Variants in THSD7A observed in about 807,000 individuals in gnomAD.
THSD7A encodes the protein thrombospondin type-1 domain-containing protein 7A.
Under a neutral mutation model 231.3 loss-of-function variants are expected in THSD7A, and 96 were observed. The observed-to-expected ratio is 0.41, with a 90% confidence interval of 0.35 to 0.49. The LOEUF is 0.49. Ranked by LOEUF, THSD7A falls within the 20% of genes least tolerant of loss-of-function variation. The pLI is 0.05. For synonymous variants in THSD7A, 940 were observed against 743.3 expected, an observed-to-expected ratio of 1.26 and a Z score of -4.30; for missense variants, 2,290 against 2,070.2, an observed-to-expected ratio of 1.11 and a Z score of -2.06.
intron 23 of THSD7A, among the ~76,000 whole-genome samples, chr7:11,391,531 T>C (rs915135863): frequency 1.3e-5 from 2 of 152,146 alleles, no homozygotes; most frequent in African/African-American, 4.8e-5. Context: ...TGCTGGGTTC[T>C]GTGAGTGTGG....
chr7:11,658,861 A>C (rs1782809257), intron 1 of THSD7A, among the ~76,000 whole-genome samples: 1 of 151,726 alleles, frequency 6.6e-6, no homozygotes, highest in Admixed American at 6.6e-5. Context: ...GAAAATGAGC[A>C]CATGTAAGAT....
intron 1 of THSD7A, among the ~76,000 whole-genome samples, chr7:11,758,010 CATATAT>C (rs3037680): frequency 0.39 from 55,702 of 142,594 alleles, 10,709 homozygotes; most frequent in Admixed American, 0.42. Flanking sequence ...CATATGCATT[CATATAT>C]ATATATATAT....
At position 11,501,171 on chromosome 7, in the gene THSD7A, C is replaced by A. The variant is rs148257027; in HGVS notation, c.1823-19189G>T. 3.8e-3 allele frequency among the ~76,000 whole-genome samples: 576 copies of A among 152,174 alleles called. 2 individuals are homozygous for A. Among genetic ancestry groups the A allele is most frequent in the African/African-American group, 0.014 (565 of 41,512 alleles). On this transcript the variant is annotated intron_variant, in intron 6 of 27. Coordinates refer to ENST00000423059, the MANE Select transcript of THSD7A (RefSeq NM_015204.3). ...TACAAAGAGACATAGACTCCCCACA[C>A]AATAATAGTGGGAGACTTCAACACT...
chr7:11,598,236 AAAATTGGTGAC>A (rs1780434253), intron 2 of THSD7A, among the ~76,000 whole-genome samples: 1 of 152,192 alleles, frequency 6.6e-6, no homozygotes, highest in Non-Finnish European at 1.5e-5. Context: ...GCATGACTGG[AAAATTGGTGAC>A]AAAGAAATTT....
intron 6 of THSD7A, among the ~76,000 whole-genome samples, chr7:11,483,605 A>G (rs918416442): frequency 2.0e-5 from 3 of 152,170 alleles, no homozygotes; most frequent in African/African-American, 7.2e-5. Context: ...TTATTGTATA[A>G]GGCATTTAAT....
intron 23 of THSD7A, among the ~76,000 whole-genome samples, chr7:11,398,086 T>C (rs1046422363): frequency 2.6e-5 from 4 of 152,152 alleles, no homozygotes; most frequent in Non-Finnish European, 5.9e-5. Context: ...CACATGCACA[T>C]TTATATTTAT....
chr7:11,558,213 C>G (rs1182353561), intron 4 of THSD7A, among the ~76,000 whole-genome samples: 1 of 152,130 alleles, frequency 6.6e-6, no homozygotes, highest in Non-Finnish European at 1.5e-5. Context: ...CTTCTTCTCT[C>G]CAACTTTCAA....
At chr7:11,695,574 T>C (rs1780365794) in intron 1 of THSD7A, among the ~76,000 whole-genome samples, 1 of 151,494 alleles carries the variant, frequency 6.6e-6, no homozygotes, top group South Asian at 2.1e-4. Context: ...ACCAATGAAG[T>C]ATGAACTGAA....
chr7:11,646,023 G>A (rs188704835), intron 1 of THSD7A, among the ~76,000 whole-genome samples: 1 of 151,752 alleles, frequency 6.6e-6, no homozygotes, highest in African/African-American at 2.4e-5. Context: ...GCAAATAAGG[G>A]GATGCAAAAA....
chr7:11,643,312 T>A (rs1052559868), intron 1 of THSD7A, among the ~76,000 whole-genome samples: 2 of 152,004 alleles, frequency 1.3e-5, no homozygotes, highest in Non-Finnish European at 2.9e-5. Context: ...AAATTTTCAA[T>A]TAACAAAATT....
At chr7:11,706,630 C>CTTTTTTTTTTTTTTTTTTTTTTT (rs66964252) in intron 1 of THSD7A, among the ~76,000 whole-genome samples, 6 of 66,390 alleles carry the variant, frequency 9.0e-5, no homozygotes, top group African/African-American at 1.9e-4. Flanking sequence ...TAACAAGGTG[C>CTTTTTTTTTTTTTTTTTTTTTTT]TTTTTTTTTT....
Position 11,379,633 on chromosome 7 carries a change from G to A in THSD7A, c.4587C>T (p.Ser1529=), listed in dbSNP as rs748680665. 1.8e-5 allele frequency: 28 copies of A among 1,579,062 alleles called. No homozygotes were observed. Among genetic ancestry groups the A allele is most frequent in the Middle Eastern group, 1.7e-4 (1 of 6,030 alleles). The change falls in exon 25 of 28, where the codon AGC becomes AGT. Residue 1529 remains serine, a synonymous_variant. Transcript: ENST00000423059. ...PPCSQPHSYC[S]ETKTCHCEEG... ...GCCCTGATGAATTTTCACATACCTC[G>A]CTACAGTACGAGTGGGGTTGACTAC...
chr7:11,792,060 G>C lies in THSD7A; in HGVS notation c.190+39697C>G, dbSNP rs566713273. On this transcript the variant is annotated intron_variant, in intron 1 of 27. Coordinates refer to ENST00000423059, the MANE Select transcript of THSD7A (RefSeq NM_015204.3). ...TTATTCTCTGTATATTTCCCACTAT[G>C]AATGCAGTCATCCAGACCAGAATCC... Among the ~76,000 whole-genome samples the C allele has an allele frequency of 5.3e-5, 8 of 151,976 alleles. No individual in the cohort carries two copies. In the South Asian group the frequency reaches 1.7e-3, roughly 32 times the overall value.
chr7:11,555,739 T>C (rs1213406979), intron 4 of THSD7A, among the ~76,000 whole-genome samples: 1 of 151,826 alleles, frequency 6.6e-6, no homozygotes, highest in Non-Finnish European at 1.5e-5. Context: ...TTTGTTCATA[T>C]ATTTTGCAGT....
chr7:11,753,544 T>TTCTCTCTCTC (rs35547018), intron 1 of THSD7A, among the ~76,000 whole-genome samples: 11 of 141,824 alleles, frequency 7.8e-5, no homozygotes, highest in Admixed American at 2.2e-4. Flanking sequence ...ATGCAGCCCT[T>TTCTCTCTCTC]TCTCTCTCTC....
chr7:11,805,688 C>T (rs527921414), intron 1 of THSD7A, among the ~76,000 whole-genome samples: 50 of 151,992 alleles, frequency 3.3e-4, no homozygotes, highest in African/African-American at 1.0e-3. Flanking sequence ...AAAAGAAATA[C>T]GTGATTTCAA....
chr7:11,672,326 G>A (rs1261252336), intron 1 of THSD7A, among the ~76,000 whole-genome samples: 1 of 151,422 alleles, frequency 6.6e-6, no homozygotes, highest in African/African-American at 2.4e-5. Context: ...TGCTATCAGA[G>A]AATAGTTTGT....
At chr7:11,620,590 C>T (rs997255661) in intron 2 of THSD7A, among the ~76,000 whole-genome samples, 7 of 152,172 alleles carry the variant, frequency 4.6e-5, no homozygotes, top group African/African-American at 1.7e-4. Context: ...CTTTGGTAAC[C>T]TCCAATGGCT....
At chr7:11,449,923 T>C (rs1301315365) in intron 11 of THSD7A, among the ~76,000 whole-genome samples, 1 of 152,062 alleles carries the variant, frequency 6.6e-6, no homozygotes, top group Non-Finnish European at 1.5e-5. Flanking sequence ...TCTGATCATA[T>C]GAGAATCGTA....
Sources: allele counts gnomAD v4.1 joint callset (sites outside exome capture counted in the v4.1 genomes callset), GRCh38; gene constraint gnomAD v4.1.1; transcripts MANE v1.5; gene names NCBI Gene and HGNC (gene_info 2026-07-23, HGNC 2026-07-21).